DYRK4: variants seen among roughly 807,000 people sequenced by gnomAD.
The protein encoded by DYRK4 is dual specificity tyrosine-phosphorylation-regulated kinase 4.
A neutral mutation model predicts 68.3 loss-of-function variants in DYRK4; 64 were observed. The observed-to-expected ratio is 0.94, with a 90% CI of 0.77 to 1.15. DYRK4 has a LOEUF of 1.15. Among genes scored for constraint, DYRK4 ranks in the 50% most tolerant of loss-of-function variants. The pLI is 0.00. For synonymous variants in DYRK4, 274 were observed against 289.9 expected (o/e 0.95, Z 0.56); for missense variants, 740 against 764.7 (o/e 0.97, Z 0.38).
chr12:4,600,744 C>T (rs1482271687), intron 10 of DYRK4, among the ~76,000 whole-genome samples: 1 of 151,860 alleles, frequency 6.6e-6, no homozygotes, highest in Non-Finnish European at 1.5e-5. Flanking sequence ...GCCACCCTCC[C>T]AACACCACGT....
At position 4,567,099 on chromosome 12, in the gene DYRK4, A is replaced by G. The variant is rs1366404155; in HGVS notation, c.39-856A>G. On this transcript the variant is annotated intron_variant, in intron 1 of 14. Coordinates refer to ENST00000543431, the MANE Select transcript of DYRK4 (RefSeq NM_001394779.1). ...AACTTCCCATTATGGACAAGTTCTG[A>G]TTTTTCAATAGTTATACTGCAAGAA... Among the ~76,000 whole-genome samples, 3 of 152,188 alleles carry G rather than the reference A, an allele frequency of 2.0e-5. 1 individual carries two copies. The highest frequency in any genetic ancestry group is 4.1e-4 in the South Asian group (2 of 4,832).
At chr12:4,612,785 A>G (rs777666561) in intron 14 of DYRK4, 67 bp downstream of exon 14, 1 of 1,551,366 alleles carries the variant, frequency 6.4e-7, no homozygotes, top group Non-Finnish European at 8.9e-7. Context: ...AATTCTGTAA[A>G]TCTCCTTGTG....
chr12:4,583,867 AG>A (rs1944868007), intron 2 of DYRK4, among the ~76,000 whole-genome samples: 1 of 152,150 alleles, frequency 6.6e-6, no homozygotes, highest in Admixed American at 6.5e-5. Flanking sequence ...TTGGCTCTGG[AG>A]CTGGTCCCAG....
chr12:4,609,925 T>C (rs1217424235), intron 12 of DYRK4: 1 of 307,882 alleles, frequency 3.2e-6, no homozygotes, highest in Admixed American at 5.1e-5. Context: ...GTTCAGAACA[T>C]ACTGAATAGT....
intron 2 of DYRK4, chr12:4,573,381 C>T (rs1434840767): frequency 7.8e-7 from 1 of 1,289,228 alleles, no homozygotes; most frequent in Non-Finnish European, 1.0e-6. Context: ...CTTTGTTCTG[C>T]GTGTTCATTG....
rs1035399603 is a variant in DYRK4 at position 4,591,119 on chromosome 12, TC to T, written c.325-39del. On this transcript the variant is annotated intron_variant, in intron 4 of 14. Coordinates refer to ENST00000543431, the MANE Select transcript of DYRK4 (RefSeq NM_001394779.1). The surrounding 1 kb of genome is among the most constrained non-coding windows in gnomAD (Gnocchi z 4.1). The stretch of plus-strand genomic sequence containing the variant: ...AAATGGTTTATGGCCCCCAGGAGAG[TC>T]CTAAGTAGTTATTTATTGCAAACCT... The T allele has an allele frequency of 1.9e-6, 3 of 1,607,132 alleles. No homozygotes were observed. The African/African-American group carries it at 4.0e-5, about 22-fold the overall frequency.
At chr12:4,603,126 C>T (rs1406588567) in intron 10 of DYRK4, 12 of 1,411,472 alleles carry the variant, frequency 8.5e-6, no homozygotes, top group Admixed American at 3.5e-5. Flanking sequence ...TTTTCACTAT[C>T]TGAATCTGAT....
At chr12:4,567,633 C>A (rs1475635645) in intron 1 of DYRK4, among the ~76,000 whole-genome samples, 2 of 152,196 alleles carry the variant, frequency 1.3e-5, no homozygotes, top group East Asian at 3.8e-4. Flanking sequence ...TACGCCCATC[C>A]TGTAAGGGGA....
At chr12:4,587,806 T>C (rs1944912381) in intron 2 of DYRK4, among the ~76,000 whole-genome samples, 2 of 152,226 alleles carry the variant, frequency 1.3e-5, no homozygotes, top group African/African-American at 4.8e-5. Flanking sequence ...TTAAGTGTTG[T>C]ACCCAGTTGT....
chr12:4,591,281 T>C lies in DYRK4; in HGVS notation c.446T>C (p.Val149Ala). ...AEEKSPKKQKVTLTAAEALKL... is the reference protein window; with the variant it reads ...AEEKSPKKQKATLTAAEALKL... The stretch of plus-strand genomic sequence containing the variant: ...GAGAAGTCACCAAAGAAGCAAAAGG[T>C]GACTCTGACAGCGGCAGGTATGCCT... The change falls in exon 5 of 15, where the codon GTG (valine) becomes GCG (alanine). Residue 149 changes from valine (V) to alanine (A), a missense_variant. Physicochemically the swap from Val to Ala is moderately conservative, Grantham distance 64. This residue lies in a region of DYRK4 where 614 missense variants were observed against 603.7 expected (regional missense o/e 1.02). Coordinates refer to ENST00000543431, the MANE Select transcript of DYRK4 (RefSeq NM_001394779.1). The surrounding 1 kb of genome is among the most constrained non-coding windows in gnomAD (Gnocchi z 4.1). 6.2e-7 allele frequency: 1 copy of C among 1,613,932 alleles called. No individual in the cohort carries two copies. Among genetic ancestry groups the C allele is most frequent in the African/African-American group, 1.3e-5 (1 of 74,978 alleles).
At chr12:4,585,055 C>T (rs1176025866) in intron 2 of DYRK4, among the ~76,000 whole-genome samples, 1 of 152,184 alleles carries the variant, frequency 6.6e-6, no homozygotes. Context: ...GAGCACCCCT[C>T]ACCCGCCATC....
chr12:4,568,073 G>A, intron 2 of DYRK4, 25 bp downstream of exon 2: 1 of 1,530,270 alleles, frequency 6.5e-7, no homozygotes, highest in South Asian at 1.2e-5. Flanking sequence ...ATTTTCACTG[G>A]GGAAGAGAGG....
At chr12:4,596,070 A>G in intron 6 of DYRK4, 79 bp from the exon 7 acceptor site, 1 of 1,493,258 alleles carries the variant, frequency 6.7e-7, no homozygotes, top group Non-Finnish European at 9.2e-7. Context: ...TAATCTGGGG[A>G]TGGGAATGCC....
Position 4,596,283 on chromosome 12 carries a change from G to T in DYRK4, c.762G>T (p.Lys254Asn), listed in dbSNP as rs1228236428. ...LVALKIIRNK[K>N]RFHQQALMEL... ...CCCTGAAAATCATCAGGAACAAGAAGAGGTGTGGCTTGGGGATGACATAGG... is the reference window on the plus strand; with the variant it reads ...CCCTGAAAATCATCAGGAACAAGAATAGGTGTGGCTTGGGGATGACATAGG... The change falls in exon 7 of 15, where the codon AAG (lysine) becomes AAT (asparagine). Residue 254 changes from lysine to asparagine, a missense_variant and splice_region_variant. Physicochemically the swap from Lys to Asn is moderately conservative, Grantham distance 94. Around this residue, in one of 3 missense-constraint regions of DYRK4, gnomAD observed 614 missense variants for 603.7 expected, o/e 1.02. Coordinates refer to ENST00000543431, the MANE Select transcript of DYRK4 (RefSeq NM_001394779.1). 6.2e-7 allele frequency: 1 copy of T among 1,614,176 alleles called. No individual in the cohort carries two copies. The highest frequency in any genetic ancestry group is 2.2e-5 in the East Asian group (1 of 44,882).
At chr12:4,604,366 C>T (rs1335563867) in intron 10 of DYRK4, among the ~76,000 whole-genome samples, 1 of 152,198 alleles carries the variant, frequency 6.6e-6, no homozygotes, top group Non-Finnish European at 1.5e-5. Context: ...CCCCAGGTAA[C>T]CAGAAACCCC....
rs893914186 is a variant in DYRK4, at chr12:4,591,444, C to T, written c.463+146C>T. On this transcript the variant is annotated intron_variant, in intron 5 of 14. Transcript: ENST00000543431. This position sits in a 1 kb window ranked among gnomAD's most constrained non-coding sequence, Gnocchi z 4.1. ...AGCCAAGAGGAAAGTAGAAGTTAAG[C>T]GTTGAACCTCTGACTGTGGTAGTAT... 9.6e-6 allele frequency: 11 copies of T among 1,142,912 alleles called. No homozygotes were observed. The highest frequency in any genetic ancestry group is 3.1e-5 in the African/African-American group (2 of 63,976). The allele number at this position is 1,142,912 out of a possible 1,614,324, so 70.8% of individuals were successfully genotyped here. A position where few individuals can be genotyped will look rare whatever the true frequency, so the allele number is the denominator to read the frequency against.
intron 6 of DYRK4, among the ~76,000 whole-genome samples, chr12:4,594,325 G>A (rs1321436233): frequency 1.3e-5 from 2 of 152,162 alleles, no homozygotes; most frequent in Non-Finnish European, 2.9e-5. Context: ...CTGGGTTCAG[G>A]TGATTCTCTT....
intron 2 of DYRK4, chr12:4,580,798 T>A (rs570618074): frequency 2.7e-5 from 4 of 149,924 alleles, no homozygotes; most frequent in Non-Finnish European, 4.3e-5. Flanking sequence ...CACTTAGGGA[T>A]TTTTTTTTTT....
At chr12:4,607,903 G>A (rs1945172100) in intron 12 of DYRK4, among the ~76,000 whole-genome samples, 1 of 152,212 alleles carries the variant, frequency 6.6e-6, no homozygotes. Context: ...GCTTTGATGT[G>A]TTGTGGCTGG....
Sources: allele counts gnomAD v4.1 joint callset (sites outside exome capture counted in the v4.1 genomes callset), GRCh38; gene constraint gnomAD v4.1.1; regional missense constraint gnomAD v4.1.1; non-coding constraint Gnocchi (gnomAD v3.1); transcripts MANE v1.5; gene names NCBI Gene and HGNC (gene_info 2026-07-23, HGNC 2026-07-21).